The following HPCAL4 variants were observed in gnomAD, a reference collection of about 807,000 sequenced individuals.
HPCAL4 encodes the protein hippocalcin like 4, also known as hippocalcin-like protein 4.
A neutral mutation model predicts 18.2 loss-of-function variants in HPCAL4; 16 were observed. The observed-to-expected ratio is 0.88, with a 90% CI of 0.59 to 1.33. HPCAL4 has a LOEUF of 1.33. Ranked by LOEUF, HPCAL4 falls within the 40% of genes most tolerant of loss-of-function variation. The pLI, the probability that HPCAL4 is intolerant of heterozygous loss-of-function variation, is 0.00. For missense variants in HPCAL4, 214 were observed against 256.6 expected, an observed-to-expected ratio of 0.83 and a Z score of 1.14; for synonymous variants, 80 against 97.5, an observed-to-expected ratio of 0.82 and a Z score of 1.06.
At position 39,683,978 on chromosome 1, in the gene HPCAL4, C is replaced by T; in HGVS notation, c.337G>A (p.Asp113Asn). The T allele has an allele frequency of 6.2e-7, 1 of 1,613,932 alleles. No individual in the cohort carries two copies. Among genetic ancestry groups the T allele is most frequent in the Non-Finnish European group, 8.5e-7 (1 of 1,179,900 alleles). The change falls in exon 3 of 4, where the codon GAC becomes AAC. Residue 113 changes from aspartate to asparagine, a missense_variant. By Grantham distance (23) the Asp-to-Asn change is conservative. Coordinates refer to ENST00000372844, the MANE Select transcript of HPCAL4 (RefSeq NM_016257.4). ...WAFEMYDLDG[D>N]GRITRLEMLE... is the part of the protein sequence containing the mutation. The stretch of plus-strand genomic sequence containing the variant: ...ATCTCCAGGCGCGTGATGCGCCCGT[C>T]GCCGTCCAGGTCGTACATCTCAAAG...
In HPCAL4 at chr1:39,679,259, C is replaced by T. The variant is rs1646600116; in HGVS notation, c.*3277G>A. Reference sequence around the variant, plus strand: ...TCTGCAGCAAGGCAAATTTCTACCTCTAGAGACTCTGCCATTGTCAGGAAA... The same window carrying T: ...TCTGCAGCAAGGCAAATTTCTACCTTTAGAGACTCTGCCATTGTCAGGAAA... On this transcript the variant is annotated 3_prime_UTR_variant, in exon 4 of 4. Coordinates refer to ENST00000372844, the MANE Select transcript of HPCAL4 (RefSeq NM_016257.4). 1.3e-5 allele frequency: 2 copies of T among 152,226 alleles called. No individual in the cohort carries two copies. The highest frequency in any genetic ancestry group is 4.1e-4 in the South Asian group (2 of 4,832). The allele number at this position is 152,226 out of a possible 1,614,324, so 9.4% of individuals were successfully genotyped here. A position where few individuals can be genotyped will look rare whatever the true frequency, so the allele number is the denominator to read the frequency against.
rs1255283309 is a variant in HPCAL4, at chr1:39,679,279, A to G, written c.*3257T>C. The stretch of plus-strand genomic sequence containing the variant: ...TACCTCTAGAGACTCTGCCATTGTC[A>G]GGAAAGGATTTAGTGCCTTTACTTA... On this transcript the variant is annotated 3_prime_UTR_variant, in exon 4 of 4. Coordinates refer to ENST00000372844, the MANE Select transcript of HPCAL4 (RefSeq NM_016257.4). The G allele has an allele frequency of 6.6e-6, 1 of 152,234 alleles. No individual in the cohort carries two copies. Among genetic ancestry groups the G allele is most frequent in the Non-Finnish European group, 1.5e-5 (1 of 68,044 alleles). The allele number at this position is 152,234 out of a possible 1,614,324, so 9.4% of individuals were successfully genotyped here.
In HPCAL4 at chr1:39,679,306, GAACT is replaced by G. The variant is rs1393261999; in HGVS notation, c.*3226_*3229del. On this transcript the variant is annotated 3_prime_UTR_variant, in exon 4 of 4. Transcript: ENST00000372844. ...GAAAGGATTTAGTGCCTTTACTTAT[GAACT>G]AACTTTTTCTTCACTTTTGATATAC... The G allele has an allele frequency of 6.6e-6, 1 of 152,130 alleles. No homozygotes were observed. Among genetic ancestry groups the G allele is most frequent in the African/African-American group, 2.4e-5 (1 of 41,422 alleles). 9.4% of individuals were successfully genotyped at this position (152,130 alleles called of 1,614,324 possible).
Position 39,682,474 on chromosome 1 carries a change from G to A in HPCAL4, c.*62C>T. ...CTCCTCCTGGGAGGCCAGCCAGAGA[G>A]GTCATCAGGTTGGGAGGTGGCCATG... On this transcript the variant is annotated 3_prime_UTR_variant, in exon 4 of 4. Coordinates refer to ENST00000372844, the MANE Select transcript of HPCAL4 (RefSeq NM_016257.4). The A allele has an allele frequency of 6.5e-7, 1 of 1,533,078 alleles. No individual in the cohort carries two copies. The highest frequency in any genetic ancestry group is 9.0e-7 in the Non-Finnish European group (1 of 1,110,026). The allele number at this position is 1,533,078 out of a possible 1,614,324, so 95.0% of individuals were successfully genotyped here.
chr1:39,682,406 G>C lies in HPCAL4; in HGVS notation c.*130C>G, dbSNP rs1033767483. ...TCTTGATGGAGGGGAGGAAGGGCTTGGGCAGAGGACTGGGTGGGCCAGAGA... is the reference window on the plus strand; with the variant it reads ...TCTTGATGGAGGGGAGGAAGGGCTTCGGCAGAGGACTGGGTGGGCCAGAGA... On this transcript the variant is annotated 3_prime_UTR_variant, in exon 4 of 4. Transcript: ENST00000372844. 3.9e-6 allele frequency: 3 copies of C among 762,686 alleles called. No individual in the cohort carries two copies. The highest frequency in any genetic ancestry group is 6.5e-6 in the Non-Finnish European group (3 of 459,468). 47.2% of individuals were successfully genotyped at this position (762,686 alleles called of 1,614,324 possible). A position where few individuals can be genotyped will look rare whatever the true frequency, so the allele number is the denominator to read the frequency against.
chr1:39,685,111 G>T (rs747179463), intron 1 of HPCAL4, among the ~76,000 whole-genome samples: 15 of 152,238 alleles, frequency 9.9e-5, no homozygotes, highest in Non-Finnish European at 1.8e-4. Flanking sequence ...TATACAAATA[G>T]AAATCCTCTA....
At position 39,678,814 on chromosome 1, in the gene HPCAL4, A is replaced by G. The variant is rs1062103; in HGVS notation, c.*3722T>C. 1 of 151,658 alleles carries G rather than the reference A, an allele frequency of 6.6e-6. No individual in the cohort carries two copies. Among genetic ancestry groups the G allele is most frequent in the Non-Finnish European group, 1.5e-5 (1 of 68,036 alleles). The allele number at this position is 151,658 out of a possible 1,614,324, so 9.4% of individuals were successfully genotyped here. A position where few individuals can be genotyped will look rare whatever the true frequency, so the allele number is the denominator to read the frequency against. On this transcript the variant is annotated 3_prime_UTR_variant, in exon 4 of 4. Coordinates refer to ENST00000372844, the MANE Select transcript of HPCAL4 (RefSeq NM_016257.4). ...CCTTCCCCTGCTACCCAGACCCCCC[A>G]CTTCCCCAAGCCTCCTTTCTACTGC...
In HPCAL4 at chr1:39,682,109, C is replaced by T. The variant is rs1210997922; in HGVS notation, c.*427G>A. ...GAGTAGAAGGGATGGGGAAGAGACC[C>T]CCTTTATGGGATCTGGAGCCTCAGG... is the stretch of plus-strand genomic sequence containing the variant. On this transcript the variant is annotated 3_prime_UTR_variant, in exon 4 of 4. Coordinates refer to ENST00000372844, the MANE Select transcript of HPCAL4 (RefSeq NM_016257.4). 1 of 198,446 alleles carries T rather than the reference C, an allele frequency of 5.0e-6. No individual in the cohort carries two copies. Among genetic ancestry groups the T allele is most frequent in the African/African-American group, 2.3e-5 (1 of 42,754 alleles). 12.3% of individuals were successfully genotyped at this position (198,446 alleles called of 1,614,324 possible). A position where few individuals can be genotyped will look rare whatever the true frequency, so the allele number is the denominator to read the frequency against.
intron 1 of HPCAL4, among the ~76,000 whole-genome samples, chr1:39,688,514 C>A (rs1416529393): frequency 2.0e-5 from 3 of 152,226 alleles, no homozygotes; most frequent in African/African-American, 7.2e-5. Flanking sequence ...TCAAGCTATG[C>A]TCATGCCCAT....
Position 39,679,127 on chromosome 1 carries a change from A to G in HPCAL4, c.*3409T>C, listed in dbSNP as rs921540002. On this transcript the variant is annotated 3_prime_UTR_variant, in exon 4 of 4. Coordinates refer to ENST00000372844, the MANE Select transcript of HPCAL4 (RefSeq NM_016257.4). ...TCTTCAGGAAATATTTGTTGCTTCA[A>G]TACATTTTTGTGTAAAAAATATTTA... 1.3e-5 allele frequency: 2 copies of G among 152,210 alleles called. No individual in the cohort carries two copies. Among genetic ancestry groups the G allele is most frequent in the African/African-American group, 2.4e-5 (1 of 41,450 alleles). The allele number at this position is 152,210 out of a possible 1,614,324, so 9.4% of individuals were successfully genotyped here.
Position 39,682,272 on chromosome 1 carries a change from A to AT in HPCAL4, c.*263_*264insA. On this transcript the variant is annotated 3_prime_UTR_variant, in exon 4 of 4. Transcript: ENST00000372844. Reference sequence around the variant, plus strand: ...ACCTCACCTCCTGGGGCAAAAGCCAACTCCCCTATGCCCAATGGACATTGG... The same window carrying AT: ...ACCTCACCTCCTGGGGCAAAAGCCAATCTCCCCTATGCCCAATGGACATTGG... 1 of 471,798 alleles carries AT rather than the reference A, an allele frequency of 2.1e-6. No individual in the cohort carries two copies. Among genetic ancestry groups the AT allele is most frequent in the South Asian group, 2.6e-5 (1 of 38,974 alleles). The allele number at this position is 471,798 out of a possible 1,614,324, so 29.2% of individuals were successfully genotyped here.
At chr1:39,689,406 C>T (rs893400835) in intron 1 of HPCAL4, among the ~76,000 whole-genome samples, 4 of 152,166 alleles carry the variant, frequency 2.6e-5, no homozygotes, top group Admixed American at 1.3e-4. Flanking sequence ...CCTTCTTCCT[C>T]CCTGGATCTA....
rs201550064 is a variant in HPCAL4 at position 39,687,902 on chromosome 1, C to CA, written c.-8-3292dup. Among the ~76,000 whole-genome samples the CA allele has an allele frequency of 2.4e-3, 242 of 101,744 alleles. 2 individuals carry two copies. The South Asian group carries it at 0.064, about 27-fold the overall frequency. The allele number at this position is 101,744 out of a possible 152,430, so 66.7% of individuals were successfully genotyped here. On this transcript the variant is annotated intron_variant, in intron 1 of 3. Coordinates refer to ENST00000372844, the MANE Select transcript of HPCAL4 (RefSeq NM_016257.4). ...TGGGCAACAGAGCAAGACCCTGTCT[C>CA]AAAAAAAAAATAAGTAAATAAAAAA...
chr1:39,689,706 AGGGCTAAGGGCTGT>A (rs1182405946), intron 1 of HPCAL4, among the ~76,000 whole-genome samples: 1 of 152,156 alleles, frequency 6.6e-6, no homozygotes, highest in African/African-American at 2.4e-5. Context: ...TTTCTTCAAG[AGGGCTAAGGGCTGT>A]GGGCTTTGAA....
chr1:39,690,568 G>A (rs1646710098), intron 1 of HPCAL4, among the ~76,000 whole-genome samples: 1 of 152,162 alleles, frequency 6.6e-6, no homozygotes, highest in Non-Finnish European at 1.5e-5. Context: ...TGGGGCCTTG[G>A]CAGCAACTGG....
rs1242424675 is a variant in HPCAL4 at position 39,681,447 on chromosome 1, G to A, written c.*1089C>T. On this transcript the variant is annotated 3_prime_UTR_variant, in exon 4 of 4. Transcript: ENST00000372844. ...AACCTTGCTTTTTCCTGTCCCTGAA[G>A]TCAGCACCCAACCGGAGTAAGTATG... 1 of 152,186 alleles carries A rather than the reference G, an allele frequency of 6.6e-6. No homozygotes were observed. The highest frequency in any genetic ancestry group is 1.5e-5 in the Non-Finnish European group (1 of 68,044). The allele number at this position is 152,186 out of a possible 1,614,324, so 9.4% of individuals were successfully genotyped here.
At chr1:39,686,468 C>A (rs1339656026) in intron 1 of HPCAL4, among the ~76,000 whole-genome samples, 2 of 152,122 alleles carry the variant, frequency 1.3e-5, no homozygotes, top group Non-Finnish European at 2.9e-5. Context: ...GACAATGCTG[C>A]CAGAGTAAGG....
rs1646656778 is a variant in HPCAL4 at position 39,684,425 on chromosome 1, A to C, written c.162+17T>G. ...CCCGGGTACTTGGCTCCCTCACACC[A>C]GGTGCCGGCCGCCCACCTTGATGTA... On this transcript the variant is annotated intron_variant, in intron 2 of 3. Coordinates refer to ENST00000372844, the MANE Select transcript of HPCAL4 (RefSeq NM_016257.4). 3.2e-6 allele frequency: 5 copies of C among 1,581,006 alleles called. No individual in the cohort carries two copies. In the South Asian group the frequency reaches 5.9e-5, roughly 19 times the overall value.
Position 39,682,278 on chromosome 1 carries a change from C to T in HPCAL4, c.*258G>A, listed in dbSNP as rs1646632716. The T allele has an allele frequency of 7.9e-6, 4 of 505,014 alleles. No homozygotes were observed. The Admixed American group carries it at 9.8e-5, about 12-fold the overall frequency. 31.3% of individuals were successfully genotyped at this position (505,014 alleles called of 1,614,324 possible). On this transcript the variant is annotated 3_prime_UTR_variant, in exon 4 of 4. Coordinates refer to ENST00000372844, the MANE Select transcript of HPCAL4 (RefSeq NM_016257.4). ...CCTCCTGGGGCAAAAGCCAACTCCC[C>T]TATGCCCAATGGACATTGGTTCTGG... is the stretch of plus-strand genomic sequence containing the variant.
Sources: allele counts gnomAD v4.1 joint callset (sites outside exome capture counted in the v4.1 genomes callset), GRCh38; gene constraint gnomAD v4.1.1; transcripts MANE v1.5; gene names NCBI Gene and HGNC (gene_info 2026-07-23, HGNC 2026-07-21).